The following TSC22D1 variants were observed in gnomAD, a reference collection of about 807,000 sequenced individuals.
TSC22D1 encodes the protein TSC22 domain family member 1, also known as TSC22 domain family protein 1.
TSC22D1 carries 9 observed loss-of-function variants against 74.2 expected under a neutral mutation model. The observed-to-expected ratio is 0.12, with a 90% CI of 0.07 to 0.21. The LOEUF (loss-of-function observed/expected upper bound fraction) is 0.21, where lower values mean the gene tolerates loss of function less well. Ranked by LOEUF, TSC22D1 falls within the 10% of genes least tolerant of loss-of-function variation. The pLI is 1.00. For synonymous variants in TSC22D1, 586 were observed against 492.5 expected, an observed-to-expected ratio of 1.19 and a Z score of -2.51; for missense variants, 1,427 against 1,304.7, an observed-to-expected ratio of 1.09 and a Z score of -1.44.
chr13:44,568,640 C>G (rs906339394), intron 1 of TSC22D1, among the ~76,000 whole-genome samples: 4 of 152,166 alleles, frequency 2.6e-5, no homozygotes, highest in Non-Finnish European at 4.4e-5. Flanking sequence ...GCCAGCCCCA[C>G]ACTGCAAATC....
At chr13:44,477,141 C>G (rs1489574160) in intron 1 of TSC22D1, among the ~76,000 whole-genome samples, 4 of 151,730 alleles carry the variant, frequency 2.6e-5, no homozygotes, top group East Asian at 3.9e-4. Flanking sequence ...TTAGTAGAGA[C>G]GGGGTTTCAC....
intron 1 of TSC22D1, among the ~76,000 whole-genome samples, chr13:44,527,827 C>A (rs1279572646): frequency 6.6e-6 from 1 of 151,984 alleles, no homozygotes; most frequent in Non-Finnish European, 1.5e-5. Context: ...AATATAAAAA[C>A]ACATAGAGGT....
chr13:44,555,723 G>T (rs1882596092), intron 1 of TSC22D1, among the ~76,000 whole-genome samples: 1 of 151,270 alleles, frequency 6.6e-6, no homozygotes, highest in Non-Finnish European at 1.5e-5. Flanking sequence ...TGCAAGATAG[G>T]TTTCTGTATT....
At chr13:44,540,018 G>A in intron 1 of TSC22D1, 1 of 954,126 alleles carries the variant, frequency 1.0e-6, no homozygotes. Flanking sequence ...TAATCCTCAG[G>A]ATAAAAAGGA....
intron 1 of TSC22D1, among the ~76,000 whole-genome samples, chr13:44,556,694 C>T (rs1475155561): frequency 2.6e-5 from 4 of 151,986 alleles, no homozygotes; most frequent in Non-Finnish European, 5.9e-5. Flanking sequence ...GGCAAAACCC[C>T]GTCTCTACTA....
intron 1 of TSC22D1, among the ~76,000 whole-genome samples, chr13:44,525,625 CCCAAATACCA>C (rs986689341): frequency 1.3e-5 from 2 of 151,774 alleles, no homozygotes; most frequent in Admixed American, 6.6e-5. Context: ...TCTAGGGAAA[CCCAAATACCA>C]CAGAGTAGAC....
rs371846750 is a variant in TSC22D1 at position 44,466,415 on chromosome 13, G to A, written c.2913-30320C>T. 9.1e-4 allele frequency among the ~76,000 whole-genome samples: 139 copies of A among 152,320 alleles called. 2 individuals carry two copies. Among genetic ancestry groups the A allele is most frequent in the African/African-American group, 3.3e-3 (136 of 41,574 alleles). On this transcript the variant is annotated intron_variant, in intron 1 of 2. Coordinates refer to ENST00000458659, the MANE Select transcript of TSC22D1 (RefSeq NM_183422.4). ...CCTATTATATGGAGGTAGATAAGTG[G>A]GTGGCAACAAAAGTTTTCAAACTTG...
intron 1 of TSC22D1, among the ~76,000 whole-genome samples, chr13:44,518,014 G>A (rs868765537): frequency 2.0e-5 from 3 of 146,982 alleles, no homozygotes; most frequent in Non-Finnish European, 3.0e-5. Flanking sequence ...GCACCACCAC[G>A]CCCAGCTAAC....
intron 1 of TSC22D1, among the ~76,000 whole-genome samples, chr13:44,492,634 A>G (rs564865099): frequency 9.5e-4 from 144 of 152,274 alleles, no homozygotes; most frequent in African/African-American, 3.3e-3. Flanking sequence ...ACGCAGAAAT[A>G]TAAGCTCCCC....
chr13:44,518,352 GTTGT>G (rs1416388075), intron 1 of TSC22D1, among the ~76,000 whole-genome samples: 3 of 152,182 alleles, frequency 2.0e-5, no homozygotes, highest in East Asian at 1.9e-4. Flanking sequence ...TTAAAAACAG[GTTGT>G]TTATTTCATT....
upstream of TSC22D1, chr13:44,576,396 G>A (rs915718874): frequency 2.6e-5 from 7 of 273,286 alleles, no homozygotes; most frequent in Non-Finnish European, 4.8e-5. Context: ...GAGGGAGGGG[G>A]AGAGCGCAGG....
chr13:44,517,770 T>C (rs111532826), intron 1 of TSC22D1, among the ~76,000 whole-genome samples: 70 of 51,904 alleles, frequency 1.3e-3, no homozygotes, highest in Non-Finnish European at 2.4e-3. Flanking sequence ...TGTGTATATA[T>C]ATATATACAC....
chr13:44,523,801 C>T (rs1880425967), intron 1 of TSC22D1, among the ~76,000 whole-genome samples: 1 of 152,074 alleles, frequency 6.6e-6, no homozygotes, highest in Non-Finnish European at 1.5e-5. Flanking sequence ...ACAGAGATTG[C>T]AGAAGTTAGG....
chr13:44,516,258 T>C (rs1039516294), intron 1 of TSC22D1: 2 of 391,046 alleles, frequency 5.1e-6, no homozygotes, highest in Non-Finnish European at 9.7e-6. Flanking sequence ...TTGGGGGCAC[T>C]AGAAATTGAC....
At chr13:44,435,782 A>G (rs561385372) in intron 2 of TSC22D1, 2 of 523,848 alleles carry the variant, frequency 3.8e-6, no homozygotes, top group East Asian at 3.6e-5. Flanking sequence ...ATCCCCAGCA[A>G]AAAGGGTCAC....
At chr13:44,459,583 T>G (rs1876882005) in intron 1 of TSC22D1, among the ~76,000 whole-genome samples, 1 of 152,148 alleles carries the variant, frequency 6.6e-6, no homozygotes, top group African/African-American at 2.4e-5. Flanking sequence ...GAAACAGGGC[T>G]TGCCACATTG....
At chr13:44,436,161 G>A in intron 1 of TSC22D1, 66 bp from the exon 2 acceptor site, 1 of 1,532,404 alleles carries the variant, frequency 6.5e-7, no homozygotes, top group Non-Finnish European at 8.9e-7. Flanking sequence ...AAGATAAAAA[G>A]GATCTCCCAA....
intron 1 of TSC22D1, among the ~76,000 whole-genome samples, chr13:44,450,623 G>A (rs931361211): frequency 5.9e-5 from 9 of 152,182 alleles, no homozygotes; most frequent in African/African-American, 2.2e-4. Context: ...GGTAAGGGAG[G>A]CAGGATGACT....
At chr13:44,456,139 T>G (rs1390614689) in intron 1 of TSC22D1, among the ~76,000 whole-genome samples, 1 of 152,166 alleles carries the variant, frequency 6.6e-6, no homozygotes, top group Admixed American at 6.5e-5. Context: ...ACCCTCGCAG[T>G]GAGTGTTACA....
Sources: allele counts gnomAD v4.1 joint callset (sites outside exome capture counted in the v4.1 genomes callset), GRCh38; gene constraint gnomAD v4.1.1; transcripts MANE v1.5; gene names NCBI Gene and HGNC (gene_info 2026-07-23, HGNC 2026-07-21).